Variants in AUTS2 observed in about 807,000 individuals in gnomAD.
AUTS2 encodes autism susceptibility gene 2 protein.
In AUTS2, 17 loss-of-function variants were observed where a neutral mutation model predicts 112.4. That is an observed-to-expected ratio of 0.15 (90% CI 0.10 to 0.23). The LOEUF is 0.23. Among genes scored for constraint, AUTS2 ranks in the 10% least tolerant of loss-of-function variants. The pLI is 1.00. For missense variants in AUTS2, 1,510 were observed against 1,701.6 expected (o/e 0.89, Z 1.98); for synonymous variants, 751 against 702.7 (o/e 1.07, Z -1.09).
intron 1 of AUTS2, among the ~76,000 whole-genome samples, chr7:69,846,836 G>T (rs1241361260): frequency 6.6e-6 from 1 of 152,202 alleles, no homozygotes; most frequent in African/African-American, 2.4e-5. Context: ...GGCCTCCAAA[G>T]TGCTGGGATT....
chr7:70,789,613 G>A, intron 18 of AUTS2, 135 bp from the exon 19 acceptor site: 2 of 1,049,672 alleles, frequency 1.9e-6, no homozygotes, highest in Admixed American at 2.5e-5. Context: ...CCAGGGCACG[G>A]CTGCTGCCTT....
chr7:69,814,341 T>A (rs2129525269), intron 1 of AUTS2, among the ~76,000 whole-genome samples: 1 of 152,038 alleles, frequency 6.6e-6, no homozygotes, highest in East Asian at 1.9e-4. Flanking sequence ...CAGTTTGGAG[T>A]GAGAAAATGA....
intron 1 of AUTS2, among the ~76,000 whole-genome samples, chr7:69,745,501 G>T (rs1417278190): frequency 6.6e-6 from 1 of 152,168 alleles, no homozygotes; most frequent in Non-Finnish European, 1.5e-5. Context: ...TAATCAGCTT[G>T]CTTTCGTTGA....
At chr7:70,399,783 A>T (rs906206858) in intron 4 of AUTS2, among the ~76,000 whole-genome samples, 3 of 152,252 alleles carry the variant, frequency 2.0e-5, no homozygotes, top group African/African-American at 7.2e-5. Flanking sequence ...AAATAAAAAT[A>T]AATAAAAACT....
At chr7:69,678,391 G>A (rs575872562) in intron 1 of AUTS2, among the ~76,000 whole-genome samples, 5 of 152,256 alleles carry the variant, frequency 3.3e-5, no homozygotes, top group East Asian at 1.9e-4. Flanking sequence ...TGGGACCAGC[G>A]TGTGTAAAAG....
chr7:70,068,674 T>G (rs1233424711), intron 2 of AUTS2, among the ~76,000 whole-genome samples: 1 of 152,206 alleles, frequency 6.6e-6, no homozygotes, highest in East Asian at 1.9e-4. Flanking sequence ...ATTTGTTTAA[T>G]AGTGAATGTA....
intron 1 of AUTS2, among the ~76,000 whole-genome samples, chr7:69,626,306 T>G (rs1793942564): frequency 6.6e-6 from 1 of 152,210 alleles, no homozygotes; most frequent in Admixed American, 6.5e-5. Flanking sequence ...CTGTATTCTT[T>G]CCTGGAGGTG....
chr7:70,409,726 A>T (rs1205599903), intron 4 of AUTS2, among the ~76,000 whole-genome samples: 1 of 152,212 alleles, frequency 6.6e-6, no homozygotes, highest in African/African-American at 2.4e-5. Flanking sequence ...TCTAAAGCAG[A>T]GACATTGTTA....
At chr7:70,782,906 A>T (rs1006221187) in intron 15 of AUTS2, 2 of 152,140 alleles carry the variant, frequency 1.3e-5, no homozygotes, top group African/African-American at 4.8e-5. Flanking sequence ...TGGAGGGTAG[A>T]TGGAATTTGC....
rs80074529 is a variant in AUTS2, at chr7:70,130,152, G to A, written c.625-4384G>A. On this transcript the variant is annotated intron_variant, in intron 3 of 18. Transcript: ENST00000342771. ...TAGCCAGGAATGTTGAACACAATTA[G>A]CGATTTGGAAGAATTTAAAAATATT... Among the ~76,000 whole-genome samples, 929 of 152,150 alleles carry A rather than the reference G, an allele frequency of 6.1e-3. 7 individuals are homozygous for A. The highest frequency in any genetic ancestry group is 0.021 in the African/African-American group (868 of 41,498).
chr7:70,342,551 C>T (rs543192844), intron 4 of AUTS2, among the ~76,000 whole-genome samples: 4 of 152,142 alleles, frequency 2.6e-5, no homozygotes, highest in South Asian at 2.1e-4. Context: ...GAGGCACTAG[C>T]GACATGTGGC....
chr7:70,421,259 T>A (rs1795208695), intron 4 of AUTS2, among the ~76,000 whole-genome samples: 1 of 152,084 alleles, frequency 6.6e-6, no homozygotes, highest in East Asian at 1.9e-4. Flanking sequence ...TAGAAAATAT[T>A]AATTCTTTTC....
intron 11 of AUTS2, among the ~76,000 whole-genome samples, chr7:70,773,368 A>C (rs2129558569): frequency 6.6e-6 from 1 of 152,316 alleles, no homozygotes; most frequent in East Asian, 1.9e-4. Flanking sequence ...GCTAATTCAA[A>C]GGACAGAAGC....
At chr7:70,695,344 G>C (rs930016898) in intron 5 of AUTS2, among the ~76,000 whole-genome samples, 20 of 152,226 alleles carry the variant, frequency 1.3e-4, no homozygotes, top group Non-Finnish European at 2.2e-4. Flanking sequence ...CCGATGTGAG[G>C]AGGGGGCCGG....
chr7:70,354,793 A>G (rs997839139), intron 4 of AUTS2, among the ~76,000 whole-genome samples: 5 of 152,244 alleles, frequency 3.3e-5, no homozygotes, highest in Admixed American at 2.0e-4. Context: ...GAATGTGTTC[A>G]TACCAATTAC....
At chr7:69,639,443 C>T (rs1794703251) in intron 1 of AUTS2, among the ~76,000 whole-genome samples, 1 of 152,190 alleles carries the variant, frequency 6.6e-6, no homozygotes, top group Non-Finnish European at 1.5e-5. Flanking sequence ...ACATCTACTC[C>T]AATCTTTTAT....
chr7:70,648,524 G>A (rs1324856262), intron 5 of AUTS2, among the ~76,000 whole-genome samples: 2 of 152,304 alleles, frequency 1.3e-5, no homozygotes, highest in Non-Finnish European at 2.9e-5. Context: ...AGCATGTTTA[G>A]ATGTAGAAAC....
chr7:70,710,727 G>C (rs1450986927), intron 6 of AUTS2, among the ~76,000 whole-genome samples: 1 of 152,236 alleles, frequency 6.6e-6, no homozygotes, highest in African/African-American at 2.4e-5. Flanking sequence ...AATTCCACTT[G>C]TCTGGACTGT....
chr7:70,407,074 T>G (rs1794568382), intron 4 of AUTS2, among the ~76,000 whole-genome samples: 1 of 152,142 alleles, frequency 6.6e-6, no homozygotes, highest in Non-Finnish European at 1.5e-5. Context: ...CAGGCACCGA[T>G]TAAGCTCAGT....
Sources: gnomAD v4.1 joint callset for allele counts (sites outside exome capture counted in the v4.1 genomes callset) on GRCh38, gnomAD v4.1.1 for gene constraint, MANE v1.5 for transcripts, NCBI Gene and HGNC (gene_info 2026-07-23, HGNC 2026-07-21) for gene names.